FAM13A: variants seen among roughly 807,000 people sequenced by gnomAD.
FAM13A encodes family with sequence similarity 13 member A, also known as protein FAM13A.
In FAM13A, 76 loss-of-function variants were observed where a neutral mutation model predicts 129.6. The observed-to-expected ratio is 0.59, with a 90% CI of 0.49 to 0.71. FAM13A has a LOEUF of 0.71. FAM13A is among the 30% of genes least tolerant of loss of function. The pLI, the probability that FAM13A is intolerant of heterozygous loss-of-function variation, is 0.00. For missense variants in FAM13A, 1,108 were observed against 1,249.3 expected (o/e 0.89, Z 1.70); for synonymous variants, 443 against 449.9 (o/e 0.98, Z 0.20).
At chr4:88,978,965 T>C (rs1761285315) in intron 4 of FAM13A, among the ~76,000 whole-genome samples, 1 of 152,150 alleles carries the variant, frequency 6.6e-6, no homozygotes, top group Non-Finnish European at 1.5e-5. Flanking sequence ...ATATTTCCAA[T>C]ACACAACAAT....
chr4:88,774,995 G>A (rs1239811261), intron 11 of FAM13A, among the ~76,000 whole-genome samples: 1 of 152,116 alleles, frequency 6.6e-6, no homozygotes, highest in Non-Finnish European at 1.5e-5. Context: ...TAATTTCTAA[G>A]TCATTTGTAG....
intron 6 of FAM13A, among the ~76,000 whole-genome samples, chr4:88,883,339 T>A (rs1743891253): frequency 6.6e-6 from 1 of 152,022 alleles, no homozygotes; most frequent in African/African-American, 2.4e-5. Flanking sequence ...GGAATAAAAT[T>A]GGAAATCAAC....
intron 5 of FAM13A, among the ~76,000 whole-genome samples, chr4:88,923,034 G>C (rs1375805329): frequency 1.3e-5 from 2 of 152,176 alleles, no homozygotes; most frequent in East Asian, 1.9e-4. Context: ...CCAATAACAG[G>C]CTCTGAAATT....
chr4:88,753,938 T>C (rs1743141921), intron 14 of FAM13A, among the ~76,000 whole-genome samples: 1 of 152,232 alleles, frequency 6.6e-6, no homozygotes. Context: ...ATTGCTACTT[T>C]GGGAAATATT....
chr4:88,896,015 C>A (rs75821980), intron 6 of FAM13A, among the ~76,000 whole-genome samples: 24,204 of 144,894 alleles, frequency 0.17, 2,033 homozygotes, highest in Non-Finnish European at 0.2. Context: ...GACTTGGAAC[C>A]AACCCAAATG....
At chr4:88,920,241 GCCT>G (rs938314457) in intron 5 of FAM13A, among the ~76,000 whole-genome samples, 2 of 152,168 alleles carry the variant, frequency 1.3e-5, no homozygotes, top group Admixed American at 1.3e-4. Flanking sequence ...CGGGCAGACT[GCCT>G]CCTCAAGTGG....
intron 7 of FAM13A, among the ~76,000 whole-genome samples, chr4:88,824,959 C>T (rs1306223953): frequency 6.6e-6 from 1 of 152,036 alleles, no homozygotes; most frequent in Non-Finnish European, 1.5e-5. Context: ...CCGCCCACCT[C>T]GGCCTCCCAA....
chr4:88,905,087 A>G (rs1366462404), intron 6 of FAM13A, among the ~76,000 whole-genome samples: 1 of 152,164 alleles, frequency 6.6e-6, no homozygotes, highest in Non-Finnish European at 1.5e-5. Context: ...CCCTAGGAAG[A>G]TCTACTGCAC....
intron 14 of FAM13A, among the ~76,000 whole-genome samples, chr4:88,754,851 C>T (rs1387213152): frequency 6.6e-6 from 1 of 152,086 alleles, no homozygotes; most frequent in African/African-American, 2.4e-5. Context: ...CTTAATAGCT[C>T]CATTTAAATC....
chr4:88,973,249 T>G (rs1307411681), intron 4 of FAM13A, among the ~76,000 whole-genome samples: 4 of 152,104 alleles, frequency 2.6e-5, no homozygotes, highest in Admixed American at 2.6e-4. Context: ...TCTGTTCCTT[T>G]CTCTATTTCT....
intron 7 of FAM13A, among the ~76,000 whole-genome samples, chr4:88,838,726 CAA>C (rs59089589): frequency 3.3e-4 from 48 of 144,336 alleles, no homozygotes; most frequent in Admixed American, 6.9e-4. Context: ...GACTCCGTCT[CAA>C]AAAAAAAAAA....
chr4:88,775,477 G>A (rs1181319607), intron 11 of FAM13A, among the ~76,000 whole-genome samples: 1 of 152,134 alleles, frequency 6.6e-6, no homozygotes, highest in African/African-American at 2.4e-5. Context: ...GCTGAGGTGG[G>A]AGGATCATTT....
chr4:88,848,905 T>C (rs778388160), intron 7 of FAM13A, among the ~76,000 whole-genome samples: 6 of 152,236 alleles, frequency 3.9e-5, no homozygotes, highest in Non-Finnish European at 7.3e-5. Context: ...ACTGCTACAC[T>C]TGCAGTTCTC....
At position 89,057,184 on chromosome 4, in the gene FAM13A, T is replaced by G; in HGVS notation, c.-220A>C. 1 of 1,401,094 alleles carries G rather than the reference T, an allele frequency of 7.1e-7. No individual in the cohort carries two copies. Among genetic ancestry groups the G allele is most frequent in the Non-Finnish European group, 9.3e-7 (1 of 1,079,206 alleles). The allele number at this position is 1,401,094 out of a possible 1,614,324, so 86.8% of individuals were successfully genotyped here. A position where few individuals can be genotyped will look rare whatever the true frequency, so the allele number is the denominator to read the frequency against. ...ACATGGCTGGAAGGACTGCCTGGAG[T>G]TGAAATTTGATCCACAGCCTCAGTG... On this transcript the variant is annotated 5_prime_UTR_variant, in exon 1 of 24. Transcript: ENST00000264344.
intron 13 of FAM13A, among the ~76,000 whole-genome samples, chr4:88,763,040 A>G (rs956051712): frequency 6.6e-6 from 1 of 152,188 alleles, no homozygotes; most frequent in Non-Finnish European, 1.5e-5. Flanking sequence ...ACAACAGAGT[A>G]TGGCATATTA....
At chr4:88,991,394 C>T (rs543042307) in intron 3 of FAM13A, among the ~76,000 whole-genome samples, 85 of 152,086 alleles carry the variant, frequency 5.6e-4, no homozygotes, top group Non-Finnish European at 1.1e-3. Context: ...GCCGAGATTG[C>T]GCCACTGCAC....
chr4:88,745,596 G>A (rs1741144555), intron 19 of FAM13A, among the ~76,000 whole-genome samples: 1 of 152,204 alleles, frequency 6.6e-6, no homozygotes, highest in Non-Finnish European at 1.5e-5. Context: ...ACACAGAGCA[G>A]GGTTCTAAGC....
At position 88,913,067 on chromosome 4, in the gene FAM13A, GA is replaced by G. The variant is rs367679153; in HGVS notation, c.760-6606del. ...TAGTAGAAGTAGTAGTAGAGAGAAG[GA>G]ACAAGAGGAGGAGGAAGAAGAAGAA... On this transcript the variant is annotated intron_variant, in intron 5 of 23. Coordinates refer to ENST00000264344, the MANE Select transcript of FAM13A (RefSeq NM_014883.4). Among the ~76,000 whole-genome samples the G allele has an allele frequency of 1.9e-4, 28 of 150,378 alleles. 2 individuals carry two copies. The highest frequency in any genetic ancestry group is 6.9e-4 in the African/African-American group (28 of 40,870).
intron 7 of FAM13A, among the ~76,000 whole-genome samples, chr4:88,828,544 T>G (rs2149869661): frequency 6.6e-6 from 1 of 152,356 alleles, no homozygotes; most frequent in South Asian, 2.1e-4. Context: ...GCTGTATATA[T>G]TATCTTCCTT....
Sources: allele counts gnomAD v4.1 joint callset (sites outside exome capture counted in the v4.1 genomes callset), GRCh38; gene constraint gnomAD v4.1.1; transcripts MANE v1.5; gene names NCBI Gene and HGNC (gene_info 2026-07-23, HGNC 2026-07-21).